PRKN: variants seen among roughly 807,000 people sequenced by gnomAD.
PRKN encodes the protein parkin RBR E3 ubiquitin protein ligase.
In PRKN, 56 loss-of-function variants were observed where a neutral mutation model predicts 59.5. The ratio of observed to expected loss-of-function variants is 0.94; its 90% CI spans 0.76 to 1.18. The LOEUF is 1.18. Among genes scored for constraint, PRKN ranks in the 50% most tolerant of loss-of-function variants. The pLI is 0.00. For missense variants in PRKN, 657 were observed against 596.4 expected (o/e 1.10, Z -1.06); for synonymous variants, 250 against 222.1 (o/e 1.13, Z -1.12).
rs990775945 is a variant in PRKN at position 161,833,303 on chromosome 6, G to T, written c.735-47395C>A. Among the ~76,000 whole-genome samples, 7 of 152,344 alleles carry T rather than the reference G, an allele frequency of 4.6e-5. No individual in the cohort carries two copies. In the South Asian group the frequency reaches 1.0e-3, roughly 23 times the overall value. On this transcript the variant is annotated intron_variant, in intron 6 of 11. Transcript: ENST00000366898. ...ATGACTTCTCGTCACTGAAGTGCTT[G>T]CCCGGAGGCCTGAGCGATTTCCTAA...
chr6:162,096,909 C>T (rs1339974904), intron 4 of PRKN, among the ~76,000 whole-genome samples: 1 of 120,128 alleles, frequency 8.3e-6, no homozygotes, highest in African/African-American at 3.3e-5. Context: ...CTCTGTCACC[C>T]AGGCTGGAGT....
intron 2 of PRKN, among the ~76,000 whole-genome samples, chr6:162,405,722 G>T (rs1463642340): frequency 6.6e-6 from 1 of 152,098 alleles, no homozygotes; most frequent in African/African-American, 2.4e-5. Context: ...GGCGTTGCAG[G>T]AGCCCAGAAG....
In PRKN at chr6:161,364,768, G is replaced by A. The variant is rs569461448; in HGVS notation, c.1168-4563C>T. On this transcript the variant is annotated intron_variant, in intron 10 of 11. Transcript: ENST00000366898. Reference sequence around the variant, plus strand: ...TCAAGATCAGCCTGGCCAACACAGCGAAACCGTCTCTACTAAAAATACAAA... The same window carrying A: ...TCAAGATCAGCCTGGCCAACACAGCAAAACCGTCTCTACTAAAAATACAAA... Among the ~76,000 whole-genome samples, 202 of 152,064 alleles carry A rather than the reference G, an allele frequency of 1.3e-3. 1 individual carries two copies. The highest frequency in any genetic ancestry group is 3.4e-3 in the Middle Eastern group (1 of 294).
intron 9 of PRKN, among the ~76,000 whole-genome samples, chr6:161,489,926 C>CTGTGT (rs1261911037): frequency 6.6e-6 from 1 of 152,188 alleles, no homozygotes; most frequent in African/African-American, 2.4e-5. Flanking sequence ...GTTCCGATGG[C>CTGTGT]TCCTGCCATA....
chr6:162,672,465 CT>C (rs1779360025), intron 1 of PRKN, among the ~76,000 whole-genome samples: 1 of 152,022 alleles, frequency 6.6e-6, no homozygotes. Context: ...TCATGTTTAA[CT>C]TTTGTACTTT....
chr6:162,302,963 T>TACACACACACAC (rs71004084), intron 2 of PRKN, among the ~76,000 whole-genome samples: 5,290 of 139,456 alleles, frequency 0.038, 137 homozygotes, highest in Non-Finnish European at 0.043. Context: ...GCCTTAAACA[T>TACACACACACAC]ACACACACAC....
rs996469175 is a variant in PRKN at position 161,546,543 on chromosome 6, G to A, written c.1083+2311C>T. On this transcript the variant is annotated intron_variant, in intron 9 of 11. Coordinates refer to ENST00000366898, the MANE Select transcript of PRKN (RefSeq NM_004562.3). This position sits in a 1 kb window ranked among gnomAD's most constrained non-coding sequence, Gnocchi z 4.4. Reference sequence around the variant, plus strand: ...GGAGACTGGGGCAAAAAGACAGGGAGGGAAAGGAAGGCATACAGTTCAGTG... The same window carrying A: ...GGAGACTGGGGCAAAAAGACAGGGAAGGAAAGGAAGGCATACAGTTCAGTG... Among the ~76,000 whole-genome samples the A allele has an allele frequency of 1.3e-5, 2 of 152,196 alleles. No homozygotes were observed. Among genetic ancestry groups the A allele is most frequent in the African/African-American group, 4.8e-5 (2 of 41,438 alleles).
chr6:161,547,245 G>A lies in PRKN; in HGVS notation c.1083+1609C>T, dbSNP rs1779828329. The stretch of plus-strand genomic sequence containing the variant: ...GAATACGCTACCTACAATTGCCAAA[G>A]GACAAAGAAACCTTGAGAACATAAC... On this transcript the variant is annotated intron_variant, in intron 9 of 11. Coordinates refer to ENST00000366898, the MANE Select transcript of PRKN (RefSeq NM_004562.3). This position sits in a 1 kb window ranked among gnomAD's most constrained non-coding sequence, Gnocchi z 4.0. Among the ~76,000 whole-genome samples the A allele has an allele frequency of 6.6e-6, 1 of 152,126 alleles. No individual in the cohort carries two copies. Among genetic ancestry groups the A allele is most frequent in the African/African-American group, 2.4e-5 (1 of 41,430 alleles).
chr6:162,199,519 C>A (rs892881608), intron 4 of PRKN, among the ~76,000 whole-genome samples: 6 of 152,106 alleles, frequency 3.9e-5, no homozygotes, highest in African/African-American at 9.7e-5. Flanking sequence ...TATATGCCAC[C>A]TAAAGCAATC....
intron 1 of PRKN, among the ~76,000 whole-genome samples, chr6:162,458,659 T>TCCC (rs1208713474): frequency 2.1e-5 from 3 of 141,706 alleles, no homozygotes; most frequent in Non-Finnish European, 3.1e-5. Context: ...TTTTTTTTTT[T>TCCC]CCCAGTGGCA....
chr6:162,400,456 TCAA>T (rs1562734685), intron 2 of PRKN, among the ~76,000 whole-genome samples: 1 of 55,590 alleles, frequency 1.8e-5, no homozygotes, highest in Admixed American at 2.1e-4. Flanking sequence ...CATGTAAATA[TCAA>T]AAAAAAAAAA....
chr6:162,579,486 A>G (rs1368448655), intron 1 of PRKN, among the ~76,000 whole-genome samples: 1 of 151,792 alleles, frequency 6.6e-6, no homozygotes, highest in Non-Finnish European at 1.5e-5. Context: ...CCAGACTCAC[A>G]CAGATTTACA....
At chr6:162,136,504 G>A (rs1781568028) in intron 4 of PRKN, among the ~76,000 whole-genome samples, 1 of 152,124 alleles carries the variant, frequency 6.6e-6, no homozygotes, top group Non-Finnish European at 1.5e-5. Context: ...CATCAGTTAT[G>A]GGTTTAAATT....
intron 2 of PRKN, among the ~76,000 whole-genome samples, chr6:162,414,726 A>T (rs150269036): frequency 4.4e-5 from 4 of 91,874 alleles, no homozygotes; most frequent in South Asian, 3.4e-4. Flanking sequence ...AAAAAAAAAA[A>T]AGTGAATCTT....
chr6:161,710,266 T>C (rs1286048590), intron 7 of PRKN, among the ~76,000 whole-genome samples: 1 of 152,204 alleles, frequency 6.6e-6, no homozygotes. Flanking sequence ...TGACTTACTA[T>C]GGTATGCCTC....
At chr6:162,643,335 T>G (rs954948190) in intron 1 of PRKN, among the ~76,000 whole-genome samples, 1 of 133,412 alleles carries the variant, frequency 7.5e-6, no homozygotes, top group African/African-American at 2.9e-5. Context: ...GAGGTGGAGG[T>G]TGCAGTGAGC....
intron 5 of PRKN, among the ~76,000 whole-genome samples, chr6:162,028,658 G>T (rs1783526280): frequency 6.6e-6 from 1 of 152,198 alleles, no homozygotes. Context: ...GCAGTGAATG[G>T]AGGGAAGGAC....
chr6:162,526,543 A>C, intron 1 of PRKN, among the ~76,000 whole-genome samples: 1 of 151,272 alleles, frequency 6.6e-6, no homozygotes, highest in South Asian at 2.1e-4. Context: ...CCAGCTACTC[A>C]GGAGGCTGAG....
intron 7 of PRKN, among the ~76,000 whole-genome samples, chr6:161,640,159 T>C (rs923239724): frequency 2.0e-5 from 3 of 152,250 alleles, no homozygotes; most frequent in African/African-American, 7.2e-5. Context: ...ATTAAAATTA[T>C]GCAAAAGCCT....
Sources: gnomAD v4.1 joint callset for allele counts (sites outside exome capture counted in the v4.1 genomes callset) on GRCh38, gnomAD v4.1.1 for gene constraint, Gnocchi (gnomAD v3.1) non-coding constraint, MANE v1.5 for transcripts, NCBI Gene and HGNC (gene_info 2026-07-23, HGNC 2026-07-21) for gene names.